The following MRPL11 variants were observed in gnomAD, a reference collection of about 807,000 sequenced individuals.
MRPL11 encodes mitochondrial ribosomal protein L11.
A neutral mutation model predicts 19.1 loss-of-function variants in MRPL11; 21 were observed. That is an observed-to-expected ratio of 1.10 (90% confidence interval 0.78 to 1.58). The LOEUF (loss-of-function observed/expected upper bound fraction) is 1.58, where lower values mean the gene tolerates loss of function less well. Among genes scored for constraint, MRPL11 ranks in the 40% most tolerant of loss-of-function variants. MRPL11 has a pLI of 0.00. For synonymous variants in MRPL11, 108 were observed against 99.7 expected, an observed-to-expected ratio of 1.08 and a Z score of -0.49; for missense variants, 242 against 243.9, an observed-to-expected ratio of 0.99 and a Z score of 0.05.
intron 2 of MRPL11, 64 bp from the exon 3 acceptor site, chr11:66,437,507 T>C (rs767947985): frequency 1.4e-6 from 2 of 1,456,134 alleles, no homozygotes; most frequent in Non-Finnish European, 1.9e-6. Flanking sequence ...GAACTTCTAA[T>C]GTCTTGCCCC....
At chr11:66,436,515 T>C (rs1590702281) in intron 4 of MRPL11, among the ~76,000 whole-genome samples, 1 of 151,672 alleles carries the variant, frequency 6.6e-6, no homozygotes, top group Admixed American at 6.6e-5. Context: ...TTTGAGAAAA[T>C]TCAAGTCTGT....
chr11:66,437,212 C>T lies in MRPL11; in HGVS notation c.365G>A (p.Arg122His), dbSNP rs377543470. 1.4e-5 allele frequency: 22 copies of T among 1,614,094 alleles called. No individual in the cohort carries two copies. Among genetic ancestry groups the T allele is most frequent in the African/African-American group, 6.7e-5 (5 of 74,932 alleles). ...VTLKHVYEIA[R>H]IKAQDEAFAL... ...AAATGCCTCATCCTGAGCTTTGATG[C>T]GGGCAATCTCATACACATGCTTCAA... The change falls in exon 4 of 5, where the codon CGC (arginine) becomes CAC (histidine). Residue 122 changes from arginine (R) to histidine (H), a missense_variant. Physicochemically the swap from Arg to His is conservative, Grantham distance 29. Coordinates refer to ENST00000310999, the MANE Select transcript of MRPL11 (RefSeq NM_016050.5).
intron 4 of MRPL11, chr11:66,436,736 T>A (rs1856977813): frequency 9.8e-7 from 1 of 1,015,512 alleles, no homozygotes; most frequent in South Asian, 1.4e-5. Flanking sequence ...GGTCCCTGTT[T>A]GCCTCAGGAG....
Position 66,438,524 on chromosome 11 carries a change from G to C in MRPL11, c.123+108C>G, listed in dbSNP as rs910641318. 1.1e-5 allele frequency: 15 copies of C among 1,398,712 alleles called. No homozygotes were observed. In the South Asian group the frequency reaches 1.9e-4, roughly 17 times the overall value. 86.6% of individuals were successfully genotyped at this position (1,398,712 alleles called of 1,614,324 possible). A position where few individuals can be genotyped will look rare whatever the true frequency, so the allele number is the denominator to read the frequency against. ...CATAAAGCGTGTGAGAAGCAGAGCC[G>C]AGCTCTGAACCGAGGCCCGGGTGGT... On this transcript the variant is annotated intron_variant, in intron 1 of 4. Coordinates refer to ENST00000310999, the MANE Select transcript of MRPL11 (RefSeq NM_016050.5).
In MRPL11 at chr11:66,437,177, C is replaced by A; in HGVS notation, c.400G>T (p.Asp134Tyr). The change falls in exon 4 of 5, where the codon GAT (aspartate) becomes TAT (tyrosine). Residue 134 changes from aspartate (D) to tyrosine (Y), a missense_variant. Transcript: ENST00000310999. ...CGGACAACAGACGACAGGGGTACAT[C>A]CTGCAGGGCAAATGCCTCATCCTGA... ...KAQDEAFALQ[D>Y]VPLSSVVRSI... 6.2e-7 allele frequency: 1 copy of A among 1,614,224 alleles called. No homozygotes were observed. Among genetic ancestry groups the A allele is most frequent in the Non-Finnish European group, 8.5e-7 (1 of 1,180,036 alleles).
chr11:66,437,333 C>T lies in MRPL11; in HGVS notation c.313+17G>A, dbSNP rs761899412. On this transcript the variant is annotated intron_variant, in intron 3 of 4. Transcript: ENST00000310999. Reference sequence around the variant, plus strand: ...TCTGGAGCCCCCAGAATCTCAGATGCTTACCCTGGCCCTCACCTGTTTGCC... The same window carrying T: ...TCTGGAGCCCCCAGAATCTCAGATGTTTACCCTGGCCCTCACCTGTTTGCC... 1 of 1,614,202 alleles carries T rather than the reference C, an allele frequency of 6.2e-7. No individual in the cohort carries two copies. Among genetic ancestry groups the T allele is most frequent in the South Asian group, 1.1e-5 (1 of 91,088 alleles).
rs1400922847 is a variant in MRPL11, at chr11:66,437,150, A to G, written c.427T>C (p.Ser143Pro). 1 of 1,614,098 alleles carries G rather than the reference A, an allele frequency of 6.2e-7. No homozygotes were observed. Among genetic ancestry groups the G allele is most frequent in the Non-Finnish European group, 8.5e-7 (1 of 1,180,058 alleles). ...AGAGAACGGGCAGACCCGATGATGG[A>G]GCGGACAACAGACGACAGGGGTACA... ...QDVPLSSVVRSIIGSARSLGI... is the reference protein window; with the variant it reads ...QDVPLSSVVRPIIGSARSLGI... The change falls in exon 4 of 5, where the codon TCC (serine) becomes CCC (proline). Residue 143 changes from serine to proline, a missense_variant. Transcript: ENST00000310999.
chr11:66,437,224 T>C lies in MRPL11; in HGVS notation c.353A>G (p.Tyr118Cys), dbSNP rs764369059. 6.2e-7 allele frequency: 1 copy of C among 1,614,182 alleles called. No individual in the cohort carries two copies. The highest frequency in any genetic ancestry group is 1.1e-5 in the South Asian group (1 of 91,086). ...VAGLVTLKHV[Y>C]EIARIKAQDE... The stretch of plus-strand genomic sequence containing the variant: ...CTGAGCTTTGATGCGGGCAATCTCA[T>C]ACACATGCTTCAAGGTCACCAGGCC... The change falls in exon 4 of 5, where the codon TAT (tyrosine) becomes TGT (cysteine). Residue 118 changes from tyrosine (Y) to cysteine (C), a missense_variant. Coordinates refer to ENST00000310999, the MANE Select transcript of MRPL11 (RefSeq NM_016050.5).
chr11:66,436,359 T>C (rs1399933328), intron 4 of MRPL11, among the ~76,000 whole-genome samples: 1 of 152,136 alleles, frequency 6.6e-6, no homozygotes, highest in Non-Finnish European at 1.5e-5. Flanking sequence ...CTTTGAGGCA[T>C]CAGCCAGGCC....
chr11:66,437,944 G>A (rs866232336), intron 2 of MRPL11, among the ~76,000 whole-genome samples: 1 of 152,260 alleles, frequency 6.6e-6, no homozygotes, highest in South Asian at 2.1e-4. Context: ...CCCTCATTCT[G>A]CTCTGGAAGC....
At chr11:66,436,908 G>A (rs1024517078) in intron 4 of MRPL11, 196 bp downstream of exon 4, 88 of 1,612,966 alleles carry the variant, frequency 5.5e-5, no homozygotes, top group Non-Finnish European at 6.8e-5. Context: ...GCAGAACAAC[G>A]TCTAATACAT....
intron 2 of MRPL11, among the ~76,000 whole-genome samples, chr11:66,437,657 G>A (rs565605512): frequency 1.3e-5 from 2 of 152,154 alleles, no homozygotes; most frequent in Non-Finnish European, 2.9e-5. Flanking sequence ...TGGATCACCT[G>A]AGGTCAGGAG....
chr11:66,437,955 C>T (rs1256197296), intron 2 of MRPL11, among the ~76,000 whole-genome samples: 1 of 152,130 alleles, frequency 6.6e-6, no homozygotes, highest in East Asian at 1.9e-4. Context: ...CTCTGGAAGC[C>T]CCAGTGAGAT....
At chr11:66,437,868 C>G (rs1399953488) in intron 2 of MRPL11, among the ~76,000 whole-genome samples, 1 of 152,078 alleles carries the variant, frequency 6.6e-6, no homozygotes, top group Non-Finnish European at 1.5e-5. Flanking sequence ...GAACAAAACT[C>G]CATCTCAGAA....
intron 1 of MRPL11, 93 bp downstream of exon 1, chr11:66,438,539 G>A (rs1857034942): frequency 1.4e-6 from 2 of 1,456,078 alleles, no homozygotes; most frequent in East Asian, 4.7e-5. Flanking sequence ...CTGAACCGAG[G>A]CCCGGGTGGT....
intron 1 of MRPL11, 57 bp from the exon 2 acceptor site, chr11:66,438,316 C>T: frequency 7.3e-7 from 1 of 1,365,486 alleles, no homozygotes; most frequent in Non-Finnish European, 1.0e-6. Flanking sequence ...TCCTATCGCC[C>T]AGGAGGCGCC....
chr11:66,435,882 A>G lies in MRPL11; in HGVS notation c.*125T>C. 4.3e-6 allele frequency: 3 copies of G among 692,940 alleles called. No individual in the cohort carries two copies. Among genetic ancestry groups the G allele is most frequent in the Admixed American group, 2.2e-5 (1 of 44,908 alleles). 42.9% of individuals were successfully genotyped at this position (692,940 alleles called of 1,614,324 possible). Reference sequence around the variant, plus strand: ...AGGCCTGATGCCTCGATACAGCTAGATGTACAAAAATATATCATTCAAAGT... The same window carrying G: ...AGGCCTGATGCCTCGATACAGCTAGGTGTACAAAAATATATCATTCAAAGT... On this transcript the variant is annotated 3_prime_UTR_variant, in exon 5 of 5. Transcript: ENST00000310999.
At position 66,436,067 on chromosome 11, in the gene MRPL11, G is replaced by T; in HGVS notation, c.519C>A (p.Ile173=). The T allele has an allele frequency of 6.2e-7, 1 of 1,614,096 alleles. No individual in the cohort carries two copies. The highest frequency in any genetic ancestry group is 8.5e-7 in the Non-Finnish European group (1 of 1,180,006). The part of the protein sequence containing the change: ...ELAAFQKERA[I]FLAAQKEADL... ...CTGCCTCCTTCTGAGCAGCCAGGAA[G>T]ATGGCTCGTTCCTTCTGGAAAGCTG... Residue 173 remains isoleucine, a synonymous_variant, in exon 5 of 5, where the codon ATC becomes ATA. Transcript: ENST00000310999.
At position 66,438,023 on chromosome 11, in the gene MRPL11, T is replaced by C; in HGVS notation, c.219+141A>G. 3 of 624,102 alleles carry C rather than the reference T, an allele frequency of 4.8e-6. No homozygotes were observed. The South Asian group carries it at 5.7e-5, about 12-fold the overall frequency. 38.7% of individuals were successfully genotyped at this position (624,102 alleles called of 1,614,324 possible). A position where few individuals can be genotyped will look rare whatever the true frequency, so the allele number is the denominator to read the frequency against. ...AGATGGGGCTGGTTCAGAAAAAATA[T>C]GATCTAGTCCTAAATGGGGAAAGTG... is the stretch of plus-strand genomic sequence containing the variant. On this transcript the variant is annotated intron_variant, in intron 2 of 4. Coordinates refer to ENST00000310999, the MANE Select transcript of MRPL11 (RefSeq NM_016050.5).
Sources: allele counts gnomAD v4.1 joint callset (sites outside exome capture counted in the v4.1 genomes callset), GRCh38; gene constraint gnomAD v4.1.1; transcripts MANE v1.5; gene names NCBI Gene and HGNC (gene_info 2026-07-23, HGNC 2026-07-21).